The following CDC27 variants were observed in gnomAD, a reference collection of about 807,000 sequenced individuals.
The protein encoded by CDC27 is cell division cycle 27, also known as cell division cycle protein 27 homolog.
Under a neutral mutation model 109.7 loss-of-function variants are expected in CDC27, and 27 were observed. The ratio of observed to expected loss-of-function variants is 0.25; its 90% CI spans 0.18 to 0.34. The LOEUF (loss-of-function observed/expected upper bound fraction) is 0.34. CDC27 is among the 10% of genes least tolerant of loss of function. The probability of loss-of-function intolerance (pLI) is 1.00; values close to 1 mark genes in which losing one functional copy is unlikely to be tolerated. For synonymous variants in CDC27, 266 were observed against 333.9 expected, an observed-to-expected ratio of 0.80 and a Z score of 2.22; for missense variants, 579 against 960.2, an observed-to-expected ratio of 0.60 and a Z score of 5.25.
chr17:47,180,692 T>C (rs569328695), intron 2 of CDC27, among the ~76,000 whole-genome samples: 27 of 151,932 alleles, frequency 1.8e-4, no homozygotes, highest in African/African-American at 6.0e-4. Context: ...AAAACATACA[T>C]TATCAGTGGT....
chr17:47,158,159 A>G, intron 5 of CDC27, 47 bp downstream of exon 5: 1 of 747,756 alleles, frequency 1.3e-6, no homozygotes, highest in Non-Finnish European at 2.1e-6. Flanking sequence ...CAGGAAAAAA[A>G]GAAGAGGAGA....
chr17:47,129,301 A>T (rs1419028880), intron 16 of CDC27, 92 bp downstream of exon 16: 1 of 1,032,478 alleles, frequency 9.7e-7, no homozygotes, highest in South Asian at 1.8e-5. Flanking sequence ...TCAGATCAAA[A>T]TTAAATAAAT....
intron 12 of CDC27, among the ~76,000 whole-genome samples, chr17:47,140,989 T>C (rs1203604174): frequency 2.0e-5 from 3 of 152,194 alleles, no homozygotes; most frequent in African/African-American, 4.8e-5. Flanking sequence ...CCATGCTTCA[T>C]TTTTCTTCAT....
chr17:47,176,548 G>A (rs1222462106), intron 2 of CDC27, among the ~76,000 whole-genome samples: 2 of 152,166 alleles, frequency 1.3e-5, no homozygotes, highest in Non-Finnish European at 2.9e-5. Flanking sequence ...AGTGTTTGAG[G>A]CAGAAAATGG....
At chr17:47,134,500 G>A (rs1028729264) in intron 14 of CDC27, among the ~76,000 whole-genome samples, 1 of 150,702 alleles carries the variant, frequency 6.6e-6, no homozygotes, top group Admixed American at 6.6e-5. Flanking sequence ...GTTTTGTTTT[G>A]TTTTGTTTTT....
intron 4 of CDC27, among the ~76,000 whole-genome samples, chr17:47,162,873 T>A (rs904876973): frequency 3.3e-4 from 50 of 152,158 alleles, no homozygotes; most frequent in Admixed American, 1.5e-3. Flanking sequence ...AGAGATTAGA[T>A]ACACATATGG....
At chr17:47,161,258 A>C (rs1264050263) in intron 4 of CDC27, 1 of 152,020 alleles carries the variant, frequency 6.6e-6, no homozygotes, top group Non-Finnish European at 1.5e-5. Flanking sequence ...ACCTGGGATT[A>C]CAGGTGTGAG....
In CDC27 at chr17:47,154,653, C is replaced by T; in HGVS notation, c.957+19G>A. 7.8e-7 allele frequency: 1 copy of T among 1,289,852 alleles called. No homozygotes were observed. The highest frequency in any genetic ancestry group is 1.2e-5 in the South Asian group (1 of 80,504). 79.9% of individuals were successfully genotyped at this position (1,289,852 alleles called of 1,614,324 possible). On this transcript the variant is annotated intron_variant, in intron 8 of 18. Coordinates refer to ENST00000066544, the MANE Select transcript of CDC27 (RefSeq NM_001256.6). Reference sequence around the variant, plus strand: ...GTTGCTTTAATCAATTCCCAAACTGCATTTTACATGGAAAATACCTTTTTT... The same window carrying T: ...GTTGCTTTAATCAATTCCCAAACTGTATTTTACATGGAAAATACCTTTTTT...
chr17:47,189,233 CG>C lies in CDC27; in HGVS notation c.-62del. 7.6e-7 allele frequency: 1 copy of C among 1,319,088 alleles called. No homozygotes were observed. 81.7% of individuals were successfully genotyped at this position (1,319,088 alleles called of 1,614,324 possible). A position where few individuals can be genotyped will look rare whatever the true frequency, so the allele number is the denominator to read the frequency against. On this transcript the variant is annotated 5_prime_UTR_variant, in exon 1 of 19. An upstream open reading frame in the 5' UTR gains an earlier in-frame stop. Coordinates refer to ENST00000066544, the MANE Select transcript of CDC27 (RefSeq NM_001256.6). Reference sequence around the variant, plus strand: ...GGCCCCCCCTGTAGCGGCTCCGGCCCGGCCAGCCCCTGCTCATTTAAACTCA... The same window carrying C: ...GGCCCCCCCTGTAGCGGCTCCGGCCCGCCAGCCCCTGCTCATTTAAACTCA...
intron 12 of CDC27, among the ~76,000 whole-genome samples, chr17:47,139,269 T>C (rs1431436229): frequency 6.7e-6 from 1 of 149,218 alleles, no homozygotes; most frequent in Non-Finnish European, 1.5e-5. Flanking sequence ...AATAACTCTT[T>C]TTTTTTTTTT....
intron 2 of CDC27, among the ~76,000 whole-genome samples, chr17:47,177,832 A>C (rs1386239703): frequency 1.3e-5 from 2 of 150,244 alleles, no homozygotes; most frequent in African/African-American, 4.9e-5. Flanking sequence ...TTTTCTGAAC[A>C]TAACTCTTAT....
chr17:47,188,497 G>A (rs1294909105), intron 1 of CDC27, among the ~76,000 whole-genome samples: 1 of 151,914 alleles, frequency 6.6e-6, no homozygotes, highest in Non-Finnish European at 1.5e-5. Flanking sequence ...CCCCATCAGA[G>A]AGGATGAAAA....
At chr17:47,139,422 A>T (rs1235180608) in intron 12 of CDC27, among the ~76,000 whole-genome samples, 1 of 151,816 alleles carries the variant, frequency 6.6e-6, no homozygotes, top group Non-Finnish European at 1.5e-5. Flanking sequence ...GCCTGCCACC[A>T]CACCTGGCTA....
At chr17:47,172,099 C>CAGTA in intron 2 of CDC27, 35 bp from the exon 3 acceptor site, 1 of 1,433,470 alleles carries the variant, frequency 7.0e-7, no homozygotes. Flanking sequence ...GGCTATTGTT[C>CAGTA]AGTATATTGA....
At chr17:47,174,981 A>AGGACG (rs1476671472) in intron 2 of CDC27, among the ~76,000 whole-genome samples, 1 of 119,938 alleles carries the variant, frequency 8.3e-6, no homozygotes, top group African/African-American at 3.0e-5. Context: ...AGGACAGGAC[A>AGGACG]GGACAGGACA....
chr17:47,129,295 A>G, intron 16 of CDC27, 98 bp downstream of exon 16: 1 of 979,040 alleles, frequency 1.0e-6, no homozygotes, highest in South Asian at 1.9e-5. Context: ...AATGTCTCAG[A>G]TCAAAATTAA....
In CDC27 at chr17:47,138,888, C is replaced by A; in HGVS notation, c.1555G>T (p.Glu519Ter). 6.4e-7 allele frequency: 1 copy of A among 1,561,732 alleles called. No homozygotes were observed. The highest frequency in any genetic ancestry group is 8.6e-7 in the Non-Finnish European group (1 of 1,156,230). ...YFELSEYMQA[E>*]RIFSEVRRIE... is the part of the protein sequence containing the mutation. ...CTTCTAACCTCTGAGAATATTCTTT[C>A]AGCCTGAAATAAAAAAAACTAGTAA... Residue 519 changes from glutamate (E) to a stop codon, truncating the protein, a stop_gained, in exon 13 of 19, where the codon GAA (glutamate) becomes TAA (stop). Transcript: ENST00000066544. LOFTEE classifies it high-confidence loss of function.
chr17:47,178,672 T>G (rs1305593644), intron 2 of CDC27, among the ~76,000 whole-genome samples: 1 of 152,192 alleles, frequency 6.6e-6, no homozygotes, highest in Non-Finnish European at 1.5e-5. Flanking sequence ...TTTTACTGTA[T>G]TTAGTCCTTA....
chr17:47,133,438 G>GTTTTT (rs200764837), intron 14 of CDC27, among the ~76,000 whole-genome samples: 3 of 134,100 alleles, frequency 2.2e-5, no homozygotes, highest in African/African-American at 5.7e-5. Flanking sequence ...GTGCCAAGCT[G>GTTTTT]TTTTTTTGTT....
Sources: gnomAD v4.1 joint callset for allele counts (sites outside exome capture counted in the v4.1 genomes callset) on GRCh38, gnomAD v4.1.1 for gene constraint, MANE v1.5 for transcripts, NCBI Gene and HGNC (gene_info 2026-07-23, HGNC 2026-07-21) for gene names.